Variants in UBE3B observed in about 807,000 individuals in gnomAD.
UBE3B encodes the protein ubiquitin protein ligase E3B.
A neutral mutation model predicts 132.3 loss-of-function variants in UBE3B; 80 were observed. That is an observed-to-expected ratio of 0.60 (90% CI 0.50 to 0.73). UBE3B has a LOEUF of 0.73. Among genes scored for constraint, UBE3B ranks in the 30% least tolerant of loss-of-function variants. The pLI, the probability that UBE3B is intolerant of heterozygous loss-of-function variation, is 0.00. For synonymous variants in UBE3B, 487 were observed against 520.4 expected (o/e 0.94, Z 0.87); for missense variants, 1,196 against 1,362.5 (o/e 0.88, Z 1.92).
At chr12:109,507,490 C>G in intron 14 of UBE3B, 74 bp from the exon 15 acceptor site, 4 of 1,490,500 alleles carry the variant, frequency 2.7e-6, no homozygotes, top group Non-Finnish European at 3.6e-6. Flanking sequence ...GTTTTGTTTC[C>G]CCACTGGATA....
chr12:109,538,293 C>T (rs1339784235), downstream of UBE3B, among the ~76,000 whole-genome samples: 1 of 152,210 alleles, frequency 6.6e-6, no homozygotes, highest in East Asian at 1.9e-4. The surrounding 1 kb of genome is among the most constrained non-coding windows in gnomAD (Gnocchi z 4.1). Context: ...CCCCCTTAAG[C>T]CTCAGGCTTA....
chr12:109,519,294 G>T (rs1881423100), intron 19 of UBE3B, among the ~76,000 whole-genome samples: 1 of 152,178 alleles, frequency 6.6e-6, no homozygotes, highest in Admixed American at 6.5e-5. Flanking sequence ...ATGCAGTGAA[G>T]AAGAGGAACG....
chr12:109,498,781 C>G (rs1878561564), intron 11 of UBE3B, among the ~76,000 whole-genome samples: 1 of 151,596 alleles, frequency 6.6e-6, no homozygotes, highest in Non-Finnish European at 1.5e-5. Flanking sequence ...GGCAGAGGCA[C>G]AGAATTCTCC....
chr12:109,507,532 C>T lies in UBE3B; in HGVS notation c.1451-32C>T, dbSNP rs1441851656. 5 of 1,599,656 alleles carry T rather than the reference C, an allele frequency of 3.1e-6. No homozygotes were observed. The African/African-American group carries it at 6.7e-5, about 22-fold the overall frequency. On this transcript the variant is annotated intron_variant, in intron 14 of 27. Coordinates refer to ENST00000342494, the MANE Select transcript of UBE3B (RefSeq NM_130466.4). ...ATAACAGACCAGGTGGAGTCTCCAC[C>T]TGAAGCTTGGGTTTCTCTGTGTTTT...
At chr12:109,530,753 T>C (rs1157693498) in intron 26 of UBE3B, 95 bp downstream of exon 26, 4 of 1,226,688 alleles carry the variant, frequency 3.3e-6, no homozygotes, top group Non-Finnish European at 4.6e-6. Flanking sequence ...ACTGAAATTA[T>C]CAGGAGGACC....
chr12:109,526,641 G>A (rs891960311), intron 24 of UBE3B, among the ~76,000 whole-genome samples: 1 of 152,158 alleles, frequency 6.6e-6, no homozygotes, highest in South Asian at 2.1e-4. Flanking sequence ...GTTAGGCCGA[G>A]GCGGGCGGAT....
chr12:109,480,189 GTT>G (rs3214387), intron 1 of UBE3B, among the ~76,000 whole-genome samples: 8 of 140,474 alleles, frequency 5.7e-5, no homozygotes, highest in Admixed American at 1.4e-4. Context: ...CTGCTGAAGA[GTT>G]TTTTTTTTTT....
At chr12:109,544,803 A>T in the UBE3B span, among the ~76,000 whole-genome samples, 1 of 152,224 alleles carries the variant, frequency 6.6e-6, no homozygotes, top group African/African-American at 2.4e-5. Flanking sequence ...CAGCCTCTGT[A>T]TTTCTCCATA....
chr12:109,534,298 T>C lies in UBE3B; in HGVS notation c.3016-293T>C. 7.3e-7 allele frequency: 1 copy of C among 1,378,416 alleles called. No individual in the cohort carries two copies. Among genetic ancestry groups the C allele is most frequent in the Non-Finnish European group, 9.4e-7 (1 of 1,066,356 alleles). 85.4% of individuals were successfully genotyped at this position (1,378,416 alleles called of 1,614,324 possible). A position where few individuals can be genotyped will look rare whatever the true frequency, so the allele number is the denominator to read the frequency against. On this transcript the variant is annotated intron_variant, in intron 27 of 27. Coordinates refer to ENST00000342494, the MANE Select transcript of UBE3B (RefSeq NM_130466.4). The surrounding 1 kb of genome is among the most constrained non-coding windows in gnomAD (Gnocchi z 5.2). Reference sequence around the variant, plus strand: ...AACAGTTTTTACAGCATTCTACTTTTTGTCAATTGGTTAACCAGTAATTCG... The same window carrying C: ...AACAGTTTTTACAGCATTCTACTTTCTGTCAATTGGTTAACCAGTAATTCG...
At chr12:109,520,411 A>G (rs533029067) in intron 19 of UBE3B, 1 of 152,354 alleles carries the variant, frequency 6.6e-6, no homozygotes, top group African/African-American at 2.4e-5. Flanking sequence ...GGGGCTGTGC[A>G]TGTTGAGGTC....
At chr12:109,533,746 C>T (rs1313247221) in intron 27 of UBE3B, 188 bp downstream of exon 27, 2 of 824,172 alleles carry the variant, frequency 2.4e-6, no homozygotes, top group Non-Finnish European at 4.0e-6. Context: ...GAGAGACTGC[C>T]CACGGACTCA....
the UBE3B span, among the ~76,000 whole-genome samples, chr12:109,542,105 AACC>A: frequency 6.6e-6 from 1 of 152,206 alleles, no homozygotes; most frequent in African/African-American, 2.4e-5. Context: ...TCATGCCATG[AACC>A]ACCACATGCT....
downstream of UBE3B, among the ~76,000 whole-genome samples, chr12:109,537,025 T>C (rs555469855): frequency 2.0e-5 from 3 of 152,208 alleles, no homozygotes; most frequent in Non-Finnish European, 4.4e-5. Context: ...ATTCTTTTTT[T>C]GTTTTTTTGA....
chr12:109,488,137 C>T (rs1300371217), intron 6 of UBE3B, among the ~76,000 whole-genome samples: 1 of 152,188 alleles, frequency 6.6e-6, no homozygotes. Context: ...GATGAGGAAA[C>T]CGAGGCACAG....
rs1433697937 is a variant in UBE3B, at chr12:109,521,063, G to T, written c.2077-85G>T. 6.7e-7 allele frequency: 1 copy of T among 1,484,564 alleles called. No homozygotes were observed. The highest frequency in any genetic ancestry group is 1.4e-5 in the African/African-American group (1 of 71,594). 92.0% of individuals were successfully genotyped at this position (1,484,564 alleles called of 1,614,324 possible). On this transcript the variant is annotated intron_variant, in intron 19 of 27. Coordinates refer to ENST00000342494, the MANE Select transcript of UBE3B (RefSeq NM_130466.4). This position sits in a 1 kb window ranked among gnomAD's most constrained non-coding sequence, Gnocchi z 4.2. ...TGCACATTTGGTAATGATGCTGGGA[G>T]AGCTTCGCACAGAGGAGAGGGAACC...
intron 6 of UBE3B, among the ~76,000 whole-genome samples, chr12:109,486,864 A>G (rs565666346): frequency 6.6e-6 from 1 of 152,288 alleles, no homozygotes; most frequent in Non-Finnish European, 1.5e-5. Context: ...ACATTATTAT[A>G]CTAGTCAGGC....
the UBE3B span, among the ~76,000 whole-genome samples, chr12:109,541,937 C>T: frequency 1.3e-5 from 2 of 152,196 alleles, no homozygotes; most frequent in African/African-American, 4.8e-5. Flanking sequence ...ATGATCTCAT[C>T]TTGTGGTCCT....
chr12:109,486,528 A>G lies in UBE3B; in HGVS notation c.400A>G (p.Ile134Val). The change falls in exon 6 of 28, where the codon ATC (isoleucine) becomes GTC (valine). Residue 134 changes from isoleucine (I) to valine (V), a missense_variant. By Grantham distance (29) the Ile-to-Val change is conservative. Coordinates refer to ENST00000342494, the MANE Select transcript of UBE3B (RefSeq NM_130466.4). ...KDLTLLWIQQIKNILWYCCDF... is the reference protein window; with the variant it reads ...KDLTLLWIQQVKNILWYCCDF... ...CCTCACCCTCCTTTGGATTCAACAG[A>G]TCAAGAACATTTTGTGGTACTGCTG... The G allele has an allele frequency of 6.2e-7, 1 of 1,605,700 alleles. No individual in the cohort carries two copies.
intron 25 of UBE3B, 22 bp downstream of exon 25, chr12:109,530,094 G>T: frequency 1.2e-6 from 2 of 1,611,354 alleles, no homozygotes; most frequent in South Asian, 1.1e-5. Flanking sequence ...GTGGGGGGAA[G>T]GGTGAAATTC....
Sources: allele counts gnomAD v4.1 joint callset (sites outside exome capture counted in the v4.1 genomes callset), GRCh38; gene constraint gnomAD v4.1.1; non-coding constraint Gnocchi (gnomAD v3.1); transcripts MANE v1.5; gene names NCBI Gene and HGNC (gene_info 2026-07-23, HGNC 2026-07-21).